Variants in TMCC1 observed in about 807,000 individuals in gnomAD.
TMCC1 encodes the protein transmembrane and coiled-coil domains protein 1.
Under a neutral mutation model 52.4 loss-of-function variants are expected in TMCC1, and 15 were observed. The observed-to-expected ratio is 0.29, with a 90% CI of 0.19 to 0.44. The LOEUF (loss-of-function observed/expected upper bound fraction) is 0.44. Among genes scored for constraint, TMCC1 ranks in the 20% least tolerant of loss-of-function variants. The probability of loss-of-function intolerance (pLI) is 1.00; values close to 1 mark genes in which losing one functional copy is unlikely to be tolerated. For missense variants in TMCC1, 503 were observed against 806.0 expected, an observed-to-expected ratio of 0.62 and a Z score of 4.55; for synonymous variants, 279 against 301.9, an observed-to-expected ratio of 0.92 and a Z score of 0.79.
intron 4 of TMCC1, among the ~76,000 whole-genome samples, chr3:129,751,856 G>A (rs1186780829): frequency 6.6e-6 from 1 of 152,116 alleles, no homozygotes; most frequent in African/African-American, 2.4e-5. Flanking sequence ...ACCATGCCCA[G>A]CACACTATAA....
intron 4 of TMCC1, among the ~76,000 whole-genome samples, chr3:129,808,921 G>GA (rs1424160450): frequency 5.2e-4 from 45 of 86,114 alleles, no homozygotes; most frequent in African/African-American, 2.5e-3. Flanking sequence ...AGATATGCTG[G>GA]AAAAAAAAAA....
intron 4 of TMCC1, among the ~76,000 whole-genome samples, chr3:129,753,184 T>C (rs1350347016): frequency 6.6e-6 from 1 of 152,214 alleles, no homozygotes; most frequent in Non-Finnish European, 1.5e-5. Flanking sequence ...TATGTCTGAA[T>C]AGAGAATCAT....
rs34785535 is a variant in TMCC1, at chr3:129,772,722, C to CA, written c.576+55080dup. Reference sequence around the variant, plus strand: ...TGGGTGACAGAGCAAGACTCCGCCTCAAAAAAAAAAAAAAAAAAAAAACTG... The same window carrying CA: ...TGGGTGACAGAGCAAGACTCCGCCTCAAAAAAAAAAAAAAAAAAAAAAACTG... On this transcript the variant is annotated intron_variant, in intron 4 of 6. Transcript: ENST00000393238. Among the ~76,000 whole-genome samples the CA allele has an allele frequency of 4.7e-3, 361 of 76,048 alleles. 4 individuals are homozygous for CA. Among genetic ancestry groups the CA allele is most frequent in the East Asian group, 6.8e-3 (17 of 2,488 alleles). 49.9% of individuals were successfully genotyped at this position (76,048 alleles called of 152,430 possible).
At chr3:129,755,614 T>TA (rs2052928738) in intron 4 of TMCC1, among the ~76,000 whole-genome samples, 1 of 152,156 alleles carries the variant, frequency 6.6e-6, no homozygotes, top group South Asian at 2.1e-4. Context: ...ATAGTAGATA[T>TA]ACAGATGGCG....
chr3:129,843,820 T>TA (rs1470904193), intron 2 of TMCC1, among the ~76,000 whole-genome samples: 1 of 149,298 alleles, frequency 6.7e-6, no homozygotes, highest in Non-Finnish European at 1.5e-5. Flanking sequence ...ATAACAATTC[T>TA]ACTCTCTCTT....
intron 4 of TMCC1, among the ~76,000 whole-genome samples, chr3:129,700,952 T>G (rs948353935): frequency 1.3e-5 from 2 of 152,188 alleles, no homozygotes; most frequent in Non-Finnish European, 2.9e-5. Context: ...ATCATTAAAA[T>G]CTACCTCTAC....
At chr3:129,696,486 G>C (rs2047424521) in intron 4 of TMCC1, among the ~76,000 whole-genome samples, 2 of 152,194 alleles carry the variant, frequency 1.3e-5, no homozygotes, top group Non-Finnish European at 2.9e-5. Context: ...CCTGAGGGCT[G>C]TGTCATGGGC....
intron 4 of TMCC1, among the ~76,000 whole-genome samples, chr3:129,743,261 TTCC>T (rs1365188702): frequency 6.6e-6 from 1 of 152,194 alleles, no homozygotes; most frequent in Non-Finnish European, 1.5e-5. Context: ...ACTTGTCAGT[TTCC>T]TCATCTTTGA....
At chr3:129,863,893 AG>A (rs1172977063) in intron 2 of TMCC1, among the ~76,000 whole-genome samples, 1 of 152,076 alleles carries the variant, frequency 6.6e-6, no homozygotes, top group East Asian at 1.9e-4. Flanking sequence ...CTAAAAAAAA[AG>A]TAAGAACCAA....
chr3:129,726,434 G>A (rs1393024305), intron 4 of TMCC1, among the ~76,000 whole-genome samples: 1 of 152,112 alleles, frequency 6.6e-6, no homozygotes, highest in East Asian at 1.9e-4. Context: ...ATACGGTCTC[G>A]CTCTACAGTC....
intron 2 of TMCC1, among the ~76,000 whole-genome samples, chr3:129,855,706 C>A (rs1282199420): frequency 1.3e-5 from 2 of 152,142 alleles, no homozygotes; most frequent in African/African-American, 2.4e-5. Flanking sequence ...AGTGACTATT[C>A]TAAAGCCTGA....
chr3:129,807,654 G>C (rs1348326792), intron 4 of TMCC1, among the ~76,000 whole-genome samples: 1 of 152,122 alleles, frequency 6.6e-6, no homozygotes, highest in Non-Finnish European at 1.5e-5. Context: ...AATCAGAATG[G>C]CACCAGATTT....
chr3:129,696,302 C>CCAGAAAATGTTTAAAT (rs1306668971), intron 4 of TMCC1, among the ~76,000 whole-genome samples: 2 of 152,208 alleles, frequency 1.3e-5, no homozygotes, highest in Non-Finnish European at 2.9e-5. Flanking sequence ...CAATTGTAAA[C>CCAGAAAATGTTTAAAT]CAGAAAATGT....
rs2060882787 is a variant in TMCC1 at position 129,870,732 on chromosome 3, G to A, written c.-184+9577C>T. ...CCGCGGGTTGGCGGGGGGGGGGGGGGGGGGGCGACAGAGCAAGACTCCATC... is the reference window on the plus strand; with the variant it reads ...CCGCGGGTTGGCGGGGGGGGGGGGGAGGGGGCGACAGAGCAAGACTCCATC... On this transcript the variant is annotated intron_variant, in intron 2 of 6. Transcript: ENST00000393238. 5.9e-5 allele frequency among the ~76,000 whole-genome samples: 2 copies of A among 33,854 alleles called. 1 individual carries two copies. The highest frequency in any genetic ancestry group is 1.4e-4 in the African/African-American group (2 of 14,304). The allele number at this position is 33,854 out of a possible 152,430, so 22.2% of individuals were successfully genotyped here.
intron 4 of TMCC1, chr3:129,688,069 T>C: frequency 3.6e-6 from 3 of 838,386 alleles, no homozygotes; most frequent in Non-Finnish European, 4.3e-6. Flanking sequence ...TCCTTTTCCA[T>C]CAAACATGAT....
intron 4 of TMCC1, among the ~76,000 whole-genome samples, chr3:129,782,437 A>G (rs1228577460): frequency 2.0e-5 from 3 of 152,180 alleles, no homozygotes; most frequent in Non-Finnish European, 4.4e-5. Flanking sequence ...GTTGCTGAAA[A>G]CTAAGATGAG....
At position 129,827,786 on chromosome 3, in the gene TMCC1, A is replaced by G; in HGVS notation, c.576+17T>C. On this transcript the variant is annotated intron_variant, in intron 4 of 6. Transcript: ENST00000393238. ...AAAACAGTAAGTTAACAGAAAAACAAAATCTTACAAACTTACCCGCTCCGC... is the reference window on the plus strand; with the variant it reads ...AAAACAGTAAGTTAACAGAAAAACAGAATCTTACAAACTTACCCGCTCCGC... The G allele has an allele frequency of 1.2e-6, 2 of 1,603,748 alleles. No homozygotes were observed. Among genetic ancestry groups the G allele is most frequent in the Non-Finnish European group, 1.7e-6 (2 of 1,172,178 alleles).
chr3:129,885,856 C>T (rs2061671697), intron 1 of TMCC1, among the ~76,000 whole-genome samples: 2 of 151,814 alleles, frequency 1.3e-5, no homozygotes, highest in Non-Finnish European at 2.9e-5. Flanking sequence ...AATTCTCCTG[C>T]CTCAGCCTCC....
intron 1 of TMCC1, among the ~76,000 whole-genome samples, chr3:129,891,466 G>C (rs550597250): frequency 6.6e-6 from 1 of 152,256 alleles, no homozygotes; most frequent in Non-Finnish European, 1.5e-5. Context: ...ATTTGTTCAC[G>C]TACTGTCTGT....
Sources: gnomAD v4.1 joint callset for allele counts (sites outside exome capture counted in the v4.1 genomes callset) on GRCh38, gnomAD v4.1.1 for gene constraint, MANE v1.5 for transcripts, NCBI Gene and HGNC (gene_info 2026-07-23, HGNC 2026-07-21) for gene names.